ZNF324B: variants seen among roughly 807,000 people sequenced by gnomAD.
ZNF324B encodes zinc finger protein 324B.
ZNF324B carries 7 observed loss-of-function variants against 10.6 expected under a neutral mutation model. The observed-to-expected ratio is 0.66, with a 90% CI of 0.38 to 1.24. The LOEUF is 1.24. ZNF324B is among the 50% of genes most tolerant of loss of function. The pLI is 0.02. For missense variants in ZNF324B, 640 were observed against 764.7 expected (o/e 0.84, Z 1.92); for synonymous variants, 316 against 321.0 (o/e 0.98, Z 0.17).
chr19:58,448,839 C>T (rs942354425), upstream of ZNF324B, among the ~76,000 whole-genome samples: 1 of 152,196 alleles, frequency 6.6e-6, no homozygotes, highest in African/African-American at 2.4e-5. Flanking sequence ...AAGGGAAATA[C>T]AGCATAAAAG....
the ZNF324B span, among the ~76,000 whole-genome samples, chr19:58,438,497 A>G: frequency 7.0e-5 from 10 of 142,598 alleles, no homozygotes; most frequent in Admixed American, 4.9e-4. Flanking sequence ...TTTTTGAGAC[A>G]GAGTCTCGCT....
the ZNF324B span, chr19:58,443,819 G>A: frequency 6.6e-6 from 1 of 152,236 alleles, no homozygotes; most frequent in Admixed American, 6.5e-5. Context: ...GTTCTTTCCA[G>A]CTATATACCT....
the ZNF324B span, chr19:58,433,292 T>C: frequency 6.3e-7 from 1 of 1,575,764 alleles, no homozygotes; most frequent in African/African-American, 1.4e-5. Context: ...CTGAAGATTT[T>C]CTCACAAAGA....
the ZNF324B span, among the ~76,000 whole-genome samples, chr19:58,424,211 T>C: frequency 6.6e-6 from 1 of 152,098 alleles, no homozygotes; most frequent in South Asian, 2.1e-4. Context: ...ATCGCACCAT[T>C]GCACTCCAGC....
Position 58,453,723 on chromosome 19 carries a change from G to A in ZNF324B, c.22G>A (p.Val8Met), listed in dbSNP as rs777204134. Residue 8 changes from valine to methionine, a missense_variant, in exon 2 of 4, where the codon GTG (valine) becomes ATG (methionine). This residue lies in a region of ZNF324B where 345 missense variants were observed against 387.9 expected (regional missense o/e 0.89). Coordinates refer to ENST00000336614, the MANE Select transcript of ZNF324B (RefSeq NM_207395.3). ...CCTGATGACCTTCGAGGATGTGGCC[G>A]TGTACTTCTCCCAGGAGGAGTGGGG... MTFEDVAVYFSQEEWGLL... is the reference protein window; with the variant it reads MTFEDVAMYFSQEEWGLL... The A allele has an allele frequency of 5.0e-6, 8 of 1,614,080 alleles. No individual in the cohort carries two copies. Among genetic ancestry groups the A allele is most frequent in the African/African-American group, 2.7e-5 (2 of 74,928 alleles).
Position 58,456,715 on chromosome 19 carries a change from C to G in ZNF324B, c.*136C>G. On this transcript the variant is annotated 3_prime_UTR_variant, in exon 4 of 4. Coordinates refer to ENST00000336614, the MANE Select transcript of ZNF324B (RefSeq NM_207395.3). The surrounding 1 kb of genome is among the most constrained non-coding windows in gnomAD (Gnocchi z 4.7). ...GTCAGGGACGAGGGAGACCCTTTGG[C>G]TGTGGTTCCATTTGCAGGTGGGGAC... 8.6e-7 allele frequency: 1 copy of G among 1,162,122 alleles called. No individual in the cohort carries two copies. The highest frequency in any genetic ancestry group is 1.2e-6 in the Non-Finnish European group (1 of 843,528). The allele number at this position is 1,162,122 out of a possible 1,614,324, so 72.0% of individuals were successfully genotyped here. A position where few individuals can be genotyped will look rare whatever the true frequency, so the allele number is the denominator to read the frequency against.
At chr19:58,436,919 A>T in the ZNF324B span, 7 of 1,289,880 alleles carry the variant, frequency 5.4e-6, no homozygotes, top group Non-Finnish European at 7.8e-6. Context: ...TCAGCACCCC[A>T]GCACCTACAA....
the ZNF324B span, chr19:58,440,114 C>CTG: frequency 2.2e-6 from 1 of 449,484 alleles, no homozygotes; most frequent in East Asian, 4.5e-5. Context: ...CAGAGGCCTG[C>CTG]TGTAGCCCAA....
the ZNF324B span, among the ~76,000 whole-genome samples, chr19:58,426,617 C>G: frequency 6.6e-6 from 1 of 152,124 alleles, no homozygotes; most frequent in Non-Finnish European, 1.5e-5. Context: ...ATAGTTCACT[C>G]AAAGCTTGGG....
chr19:58,428,672 T>A, the ZNF324B span: 1 of 152,242 alleles, frequency 6.6e-6, no homozygotes, highest in Non-Finnish European at 1.5e-5. Context: ...GAATTTCAGT[T>A]ATGAGTGACA....
rs374619328 is a variant in ZNF324B at position 58,455,770 on chromosome 19, C to T, written c.826C>T (p.Leu276=). The change falls in exon 4 of 4, where the codon CTA becomes TTA. Residue 276 remains leucine (L), a synonymous_variant. Coordinates refer to ENST00000336614, the MANE Select transcript of ZNF324B (RefSeq NM_207395.3). The surrounding 1 kb of genome is among the most constrained non-coding windows in gnomAD (Gnocchi z 7.0). ...GAAGAGCTCCGACCTCCTCAAGCAC[C>T]TACGCACCCACACCGGGGAGCGGCC... ...FVKSSDLLKH[L]RTHTGERPYE... is the part of the protein sequence containing the mutation. 2 of 1,613,972 alleles carry T rather than the reference C, an allele frequency of 1.2e-6. No homozygotes were observed. Among genetic ancestry groups the T allele is most frequent in the African/African-American group, 1.3e-5 (1 of 74,938 alleles).
chr19:58,432,457 A>C, the ZNF324B span: 1 of 374,476 alleles, frequency 2.7e-6, no homozygotes. Flanking sequence ...GTCTACCCAA[A>C]TCCCTGGTTA....
the ZNF324B span, among the ~76,000 whole-genome samples, chr19:58,438,346 A>G: frequency 6.6e-6 from 1 of 152,290 alleles, no homozygotes; most frequent in African/African-American, 2.4e-5. Flanking sequence ...TTAGTGGTCT[A>G]CTTGGCACCT....
the ZNF324B span, among the ~76,000 whole-genome samples, chr19:58,427,431 C>CTTTCCT: frequency 3.2e-5 from 1 of 30,776 alleles, no homozygotes. Flanking sequence ...TCCTTCCTTC[C>CTTTCCT]TTCCTTCCTT....
At chr19:58,442,179 T>TTTTTTTTTTTTTTTTTTTTGGGGGG in the ZNF324B span, 1 of 135,280 alleles carries the variant, frequency 7.4e-6, no homozygotes, top group African/African-American at 3.1e-5. Flanking sequence ...TTTTTTTTTT[T>TTTTTTTTTTTTTTTTTTTTGGGGGG]GAGACGGAGT....
At chr19:58,419,663 C>T in the ZNF324B span, among the ~76,000 whole-genome samples, 117 of 152,268 alleles carry the variant, frequency 7.7e-4, no homozygotes, top group African/African-American at 2.6e-3. Context: ...TTCTATAGTC[C>T]TGGGATGTGC....
chr19:58,433,361 G>A, the ZNF324B span: 1 of 1,614,182 alleles, frequency 6.2e-7, no homozygotes, highest in Non-Finnish European at 8.5e-7. Context: ...AGGTTACAAA[G>A]ATGGCTGAAG....
the ZNF324B span, among the ~76,000 whole-genome samples, chr19:58,425,234 C>T: frequency 2.7e-5 from 4 of 150,280 alleles, no homozygotes; most frequent in East Asian, 4.0e-4. Flanking sequence ...CCAGCCTGGG[C>T]GACAGAGCCA....
chr19:58,456,611 CCTT>C lies in ZNF324B; in HGVS notation c.*35_*37del. The C allele has an allele frequency of 1.3e-6, 2 of 1,594,896 alleles. No individual in the cohort carries two copies. Among genetic ancestry groups the C allele is most frequent in the Non-Finnish European group, 1.7e-6 (2 of 1,169,506 alleles). On this transcript the variant is annotated 3_prime_UTR_variant, in exon 4 of 4. Coordinates refer to ENST00000336614, the MANE Select transcript of ZNF324B (RefSeq NM_207395.3). The surrounding 1 kb of genome is among the most constrained non-coding windows in gnomAD (Gnocchi z 4.7). ...AGGTCGCAGCCCAACCCTTTCTTGG[CCTT>C]CTGTGAATCCCTTCCACAGCTAAAG...
Sources: gnomAD v4.1 joint callset for allele counts (sites outside exome capture counted in the v4.1 genomes callset) on GRCh38, gnomAD v4.1.1 for gene constraint, gnomAD v4.1.1 regional missense constraint, Gnocchi (gnomAD v3.1) non-coding constraint, MANE v1.5 for transcripts, NCBI Gene and HGNC (gene_info 2026-07-23, HGNC 2026-07-21) for gene names.